The following ARHGAP15 variants were observed in gnomAD, a reference collection of about 807,000 sequenced individuals.
ARHGAP15 encodes the protein Rho GTPase activating protein 15.
Under a neutral mutation model 63.7 loss-of-function variants are expected in ARHGAP15, and 51 were observed. The ratio of observed to expected loss-of-function variants is 0.80; its 90% CI spans 0.64 to 1.01. The LOEUF is 1.01. ARHGAP15 is among the 50% of genes least tolerant of loss of function. ARHGAP15 has a pLI of 0.00. For missense variants in ARHGAP15, 560 were observed against 564.6 expected (o/e 0.99, Z 0.08); for synonymous variants, 191 against 193.8 (o/e 0.99, Z 0.12).
intron 9 of ARHGAP15, among the ~76,000 whole-genome samples, chr2:143,495,156 T>G (rs1692762415): frequency 6.6e-6 from 1 of 152,204 alleles, no homozygotes; most frequent in South Asian, 2.1e-4. Context: ...TCTTTTTTGT[T>G]TCTTCCTTTC....
chr2:143,715,284 C>A (rs960600478), intron 13 of ARHGAP15, among the ~76,000 whole-genome samples: 13 of 152,214 alleles, frequency 8.5e-5, no homozygotes, highest in South Asian at 2.1e-4. Context: ...AGACCAGCCC[C>A]TGTGATTCAA....
chr2:143,668,055 A>G (rs1016216432), intron 12 of ARHGAP15, among the ~76,000 whole-genome samples: 1 of 152,040 alleles, frequency 6.6e-6, no homozygotes, highest in Non-Finnish European at 1.5e-5. Flanking sequence ...CATTTAAAAA[A>G]AAAAGTTGAA....
intron 8 of ARHGAP15, 21 bp downstream of exon 8, chr2:143,437,063 G>T (rs1465499215): frequency 6.3e-7 from 1 of 1,584,104 alleles, no homozygotes; most frequent in Admixed American, 2.0e-5. Flanking sequence ...TCTTTGACTT[G>T]CTCATTTTAA....
At chr2:143,502,189 A>G (rs540747742) in intron 9 of ARHGAP15, among the ~76,000 whole-genome samples, 70 of 152,102 alleles carry the variant, frequency 4.6e-4, no homozygotes, top group South Asian at 1.0e-3. Context: ...CGAGTGGATC[A>G]TCTGAGGTCA....
At chr2:143,384,183 T>G (rs1687172249) in intron 6 of ARHGAP15, among the ~76,000 whole-genome samples, 1 of 152,152 alleles carries the variant, frequency 6.6e-6, no homozygotes, top group South Asian at 2.1e-4. Context: ...AACGTATGCC[T>G]GTTGATTTTT....
chr2:143,321,033 G>A (rs749387390), intron 6 of ARHGAP15, among the ~76,000 whole-genome samples: 4 of 152,094 alleles, frequency 2.6e-5, no homozygotes, highest in African/African-American at 9.7e-5. Flanking sequence ...TCACAGCCAC[G>A]GCCCTTGGAT....
chr2:143,487,532 A>T (rs1387125227), intron 9 of ARHGAP15, 37 bp downstream of exon 9: 1 of 1,592,820 alleles, frequency 6.3e-7, no homozygotes. Context: ...TAACTGTGAT[A>T]AATGAATGTG....
chr2:143,408,003 A>C (rs1183451572), intron 6 of ARHGAP15, among the ~76,000 whole-genome samples: 2 of 73,018 alleles, frequency 2.7e-5, no homozygotes. Context: ...ATATATATAT[A>C]TATATATATA....
chr2:143,720,389 C>G (rs1684995376), intron 13 of ARHGAP15, among the ~76,000 whole-genome samples: 1 of 152,134 alleles, frequency 6.6e-6, no homozygotes, highest in Non-Finnish European at 1.5e-5. Context: ...ACCACGGGAA[C>G]TTTAATGACC....
chr2:143,357,391 C>G (rs1304384815), intron 6 of ARHGAP15, among the ~76,000 whole-genome samples: 1 of 151,220 alleles, frequency 6.6e-6, no homozygotes, highest in Non-Finnish European at 1.5e-5. Flanking sequence ...AAGCAAAATA[C>G]AAAAACACAT....
At chr2:143,480,985 G>A (rs529668722) in intron 8 of ARHGAP15, among the ~76,000 whole-genome samples, 1 of 152,148 alleles carries the variant, frequency 6.6e-6, no homozygotes, top group Non-Finnish European at 1.5e-5. Context: ...AATACAAGAA[G>A]TTTGTGTTGG....
chr2:143,714,843 T>C (rs1265805181), intron 13 of ARHGAP15, among the ~76,000 whole-genome samples: 1 of 152,224 alleles, frequency 6.6e-6, no homozygotes, highest in African/African-American at 2.4e-5. Context: ...TTATTGTTCA[T>C]ATCACTATCA....
At chr2:143,234,638 G>T (rs1265144394) in intron 5 of ARHGAP15, among the ~76,000 whole-genome samples, 1 of 152,068 alleles carries the variant, frequency 6.6e-6, no homozygotes, top group African/African-American at 2.4e-5. Flanking sequence ...ATTTTACATT[G>T]CTCATCTACC....
intron 8 of ARHGAP15, among the ~76,000 whole-genome samples, chr2:143,470,292 G>GAAAA (rs527918583): frequency 7.9e-6 from 1 of 126,728 alleles, no homozygotes; most frequent in Non-Finnish European, 1.7e-5. Context: ...CAAGGTTTTG[G>GAAAA]AAAAAAAAAA....
intron 6 of ARHGAP15, among the ~76,000 whole-genome samples, chr2:143,288,457 T>C (rs1288247197): frequency 6.6e-6 from 1 of 152,166 alleles, no homozygotes; most frequent in Non-Finnish European, 1.5e-5. Context: ...AAAAAAATAG[T>C]GTTGCACAAT....
intron 6 of ARHGAP15, among the ~76,000 whole-genome samples, chr2:143,278,922 T>C (rs1189343192): frequency 6.7e-6 from 1 of 150,282 alleles, no homozygotes; most frequent in Non-Finnish European, 1.5e-5. Context: ...AGAAGGCAGA[T>C]TTATTATACA....
chr2:143,500,162 T>C (rs908228353), intron 9 of ARHGAP15, among the ~76,000 whole-genome samples: 6 of 151,558 alleles, frequency 4.0e-5, no homozygotes, highest in Non-Finnish European at 8.8e-5. Flanking sequence ...GTGACCTAGC[T>C]CCTTTCTGTT....
intron 4 of ARHGAP15, among the ~76,000 whole-genome samples, chr2:143,226,418 G>T (rs1693215093): frequency 6.6e-6 from 1 of 152,170 alleles, no homozygotes; most frequent in Non-Finnish European, 1.5e-5. Context: ...GTTAAATATG[G>T]ATTCTTCGTG....
intron 6 of ARHGAP15, among the ~76,000 whole-genome samples, chr2:143,390,584 T>C (rs964537003): frequency 6.6e-6 from 1 of 152,076 alleles, no homozygotes; most frequent in Non-Finnish European, 1.5e-5. Flanking sequence ...GAGCAGGAGA[T>C]GCTCTGCCCC....
Sources: allele counts gnomAD v4.1 joint callset (sites outside exome capture counted in the v4.1 genomes callset), GRCh38; gene constraint gnomAD v4.1.1; transcripts MANE v1.5; gene names NCBI Gene and HGNC (gene_info 2026-07-23, HGNC 2026-07-21).